NAGK: variants seen among roughly 807,000 people sequenced by gnomAD.
NAGK encodes N-acetyl-D-glucosamine kinase.
A neutral mutation model predicts 42.9 loss-of-function variants in NAGK; 35 were observed. That is an observed-to-expected ratio of 0.82 (90% CI 0.62 to 1.08). The LOEUF (loss-of-function observed/expected upper bound fraction) is 1.08, where lower values mean the gene tolerates loss of function less well. NAGK is among the 50% of genes least tolerant of loss of function. The pLI, the probability that NAGK is intolerant of heterozygous loss-of-function variation, is 0.00. For synonymous variants in NAGK, 172 were observed against 176.0 expected, an observed-to-expected ratio of 0.98 and a Z score of 0.18; for missense variants, 446 against 446.0, an observed-to-expected ratio of 1.00 and a Z score of 0.00.
intron 6 of NAGK, chr2:71,075,339 T>C (rs1672168215): frequency 1.9e-6 from 1 of 520,702 alleles, no homozygotes; most frequent in Non-Finnish European, 3.4e-6. Flanking sequence ...TTCTCTGTGC[T>C]GCCTTCAAAC....
At chr2:71,068,556 G>A, upstream of NAGK, 2 of 1,500,386 alleles carry the variant, frequency 1.3e-6, no homozygotes, top group Non-Finnish European at 1.8e-6. Context: ...ATGCGCACGC[G>A]CACAGGGAGT....
At chr2:71,068,536 C>T (rs944738275), upstream of NAGK, 7 of 1,466,860 alleles carry the variant, frequency 4.8e-6, no homozygotes, top group African/African-American at 6.0e-5. Flanking sequence ...ACCGGCGCCC[C>T]GCCCCGCGCA....
chr2:71,070,854 G>T lies in NAGK; in HGVS notation c.213+15G>T. ...TGCGAAGCTTGGTGAGTCTGGGGCG[G>T]AGCCTGGGAATTCAGCCATCTGTGA... On this transcript the variant is annotated intron_variant, in intron 3 of 9. Coordinates refer to ENST00000244204, the MANE Select transcript of NAGK (RefSeq NM_017567.6). The T allele has an allele frequency of 6.2e-7, 1 of 1,613,816 alleles. No individual in the cohort carries two copies. The highest frequency in any genetic ancestry group is 8.5e-7 in the Non-Finnish European group (1 of 1,179,764).
At chr2:71,068,598 G>C (rs772400715), upstream of NAGK, 1 of 1,523,746 alleles carries the variant, frequency 6.6e-7, no homozygotes, top group Non-Finnish European at 8.8e-7. Context: ...ACGGGAAGTG[G>C]GGCGGTGCCC....
At chr2:71,073,461 A>G in intron 5 of NAGK, 21 bp from the exon 6 acceptor site, 1 of 1,559,010 alleles carries the variant, frequency 6.4e-7, no homozygotes, top group Non-Finnish European at 8.8e-7. Flanking sequence ...CCATCTTCTT[A>G]GCCCTCTCTG....
intron 7 of NAGK, 159 bp downstream of exon 7, chr2:71,075,801 G>A: frequency 1.4e-6 from 1 of 693,124 alleles, no homozygotes; most frequent in Non-Finnish European, 2.5e-6. Flanking sequence ...GGGCCTTGGG[G>A]TGGAGGCAGA....
Position 71,077,604 on chromosome 2 carries a change from CTG to C in NAGK, c.817_818del (p.Trp273GlufsTer59). On this transcript the variant is annotated frameshift_variant, in exon 9 of 10. Transcript: ENST00000244204. LOFTEE classifies it high-confidence loss of function. The stretch of plus-strand genomic sequence containing the variant: ...GGACTCCCCATCCTGTGCGTGGGCT[CTG>C]TGTGGAAGAGCTGGGAGCTGCTGAA... 6.2e-7 allele frequency: 1 copy of C among 1,609,510 alleles called. No individual in the cohort carries two copies. Among genetic ancestry groups the C allele is most frequent in the Non-Finnish European group, 8.5e-7 (1 of 1,178,002 alleles).
chr2:71,068,510 G>C (rs1014846277), upstream of NAGK: 7 of 1,436,966 alleles, frequency 4.9e-6, no homozygotes, highest in East Asian at 3.0e-5. Flanking sequence ...GAGGGACGCA[G>C]CCATCCCCGG....
Position 71,072,624 on chromosome 2 carries a change from CTATT to C in NAGK, c.356-16_356-13del. 1 of 1,606,906 alleles carries C rather than the reference CTATT, an allele frequency of 6.2e-7. No individual in the cohort carries two copies. Among genetic ancestry groups the C allele is most frequent in the Non-Finnish European group, 8.5e-7 (1 of 1,173,628 alleles). ...CCAGGCCTCGGCCACACTGAGCCTCCTATTCCCTTTCCCCAGGTGGAGTTGTGCT... is the reference window on the plus strand; with the variant it reads ...CCAGGCCTCGGCCACACTGAGCCTCCCCCTTTCCCCAGGTGGAGTTGTGCT... On this transcript the variant is annotated splice_polypyrimidine_tract_variant and intron_variant, in intron 4 of 9. Coordinates refer to ENST00000244204, the MANE Select transcript of NAGK (RefSeq NM_017567.6).
chr2:71,076,631 G>A lies in NAGK; in HGVS notation c.695G>A (p.Arg232His), dbSNP rs142872700. 235 of 1,613,596 alleles carry A rather than the reference G, an allele frequency of 1.5e-4. 2 individuals are homozygous for A. Among genetic ancestry groups the A allele is most frequent in the Non-Finnish European group, 1.7e-4 (206 of 1,179,728 alleles). Residue 232 changes from arginine (R) to histidine (H), a missense_variant, in exon 8 of 10, where the codon CGC becomes CAC. Transcript: ENST00000244204. ...GCTCAGCAGGGAGACCCCCTTTCCC[G>A]CTATATCTTCAGGAAGGCTGGGGAG... ...EGAQQGDPLS[R>H]YIFRKAGEML...
intron 3 of NAGK, 199 bp downstream of exon 3, chr2:71,071,038 G>C (rs910382044): frequency 1.7e-6 from 1 of 589,334 alleles, no homozygotes; most frequent in African/African-American, 1.9e-5. Context: ...AAGAGCACAG[G>C]GCTTTGGAGA....
intron 4 of NAGK, 81 bp from the exon 5 acceptor site, chr2:71,072,560 C>T: frequency 1.6e-6 from 2 of 1,213,086 alleles, no homozygotes; most frequent in Non-Finnish European, 2.4e-6. Flanking sequence ...GGGCTGTTTT[C>T]TGTCCTGTCT....
At position 71,073,586 on chromosome 2, in the gene NAGK, T is replaced by A. The variant is rs552114161; in HGVS notation, c.571T>A (p.Tyr191Asn). 3 of 1,611,602 alleles carry A rather than the reference T, an allele frequency of 1.9e-6. No homozygotes were observed. The highest frequency in any genetic ancestry group is 2.7e-5 in the African/African-American group (2 of 74,890). The change falls in exon 6 of 10, where the codon TAT becomes AAT. Residue 191 changes from tyrosine (Y) to asparagine (N), a missense_variant. Transcript: ENST00000244204. ...IGYVKQAMFH[Y>N]FQVPDRLGIL... ...CTACGTCAAACAGGCCATGTTCCAC[T>A]ATTTCCAGGTACTCCTCCTGCTCCC...
chr2:71,072,736 G>A lies in NAGK; in HGVS notation c.451G>A (p.Gly151Ser). ...CTGCGGCGGCTGGGGCCATATGATG[G>A]GTGATGAGGGTTCAGGTGAGCTCAC... ...SGCGGWGHMM[G>S]DEGSAYWIAH... is the part of the protein sequence containing the mutation. The change falls in exon 5 of 10, where the codon GGT (glycine) becomes AGT (serine). Residue 151 changes from glycine to serine, a missense_variant. Coordinates refer to ENST00000244204, the MANE Select transcript of NAGK (RefSeq NM_017567.6). The A allele has an allele frequency of 6.2e-7, 1 of 1,613,798 alleles. No homozygotes were observed. The highest frequency in any genetic ancestry group is 1.1e-5 in the South Asian group (1 of 91,020).
At chr2:71,072,814 T>C (rs748980308) in intron 5 of NAGK, 63 bp downstream of exon 5, 2 of 1,458,136 alleles carry the variant, frequency 1.4e-6, no homozygotes, top group Admixed American at 3.7e-5. Flanking sequence ...CTCCCTGTCT[T>C]TCTCTCCTTA....
In NAGK at chr2:71,078,230, G is replaced by T. The variant is rs565545765; in HGVS notation, c.845-88G>T. The stretch of plus-strand genomic sequence containing the variant: ...AGCATCTCTACAGGAGTACCTCAGG[G>T]TCTGGGCGTCCTTGTCTGTCTTCCT... On this transcript the variant is annotated intron_variant, in intron 9 of 9. Coordinates refer to ENST00000244204, the MANE Select transcript of NAGK (RefSeq NM_017567.6). The T allele has an allele frequency of 7.9e-5, 108 of 1,365,534 alleles. No homozygotes were observed. The African/African-American group carries it at 1.4e-3, about 18-fold the overall frequency. The allele number at this position is 1,365,534 out of a possible 1,614,324, so 84.6% of individuals were successfully genotyped here.
chr2:71,068,564 A>T, upstream of NAGK: 1 of 1,514,734 alleles, frequency 6.6e-7, no homozygotes, highest in Non-Finnish European at 8.8e-7. Flanking sequence ...GCGCACAGGG[A>T]GTCAGCTGGC....
chr2:71,068,350 C>G (rs1671854108), upstream of NAGK: 1 of 749,506 alleles, frequency 1.3e-6, no homozygotes, highest in Non-Finnish European at 2.0e-6. Context: ...AGTGATGTGT[C>G]CTAAGGGTCC....
In NAGK at chr2:71,078,815, GCTA is replaced by G. The variant is rs1672312505; in HGVS notation, c.*309_*311del. 1 of 295,724 alleles carries G rather than the reference GCTA, an allele frequency of 3.4e-6. No individual in the cohort carries two copies. Among genetic ancestry groups the G allele is most frequent in the East Asian group, 7.7e-5 (1 of 12,908 alleles). The allele number at this position is 295,724 out of a possible 1,614,324, so 18.3% of individuals were successfully genotyped here. A position where few individuals can be genotyped will look rare whatever the true frequency, so the allele number is the denominator to read the frequency against. ...ACTTGGGCAGATGATTTGTCTGTGT[GCTA>G]CCCTTCCCCCCATATTACCATACAT... On this transcript the variant is annotated 3_prime_UTR_variant, in exon 10 of 10. Coordinates refer to ENST00000244204, the MANE Select transcript of NAGK (RefSeq NM_017567.6).
Sources: allele counts gnomAD v4.1 joint callset, GRCh38; gene constraint gnomAD v4.1.1; transcripts MANE v1.5; gene names NCBI Gene and HGNC (gene_info 2026-07-23, HGNC 2026-07-21).